The following WDR33 variants were observed in gnomAD, a reference collection of about 807,000 sequenced individuals.
WDR33 encodes pre-mRNA 3' end processing protein WDR33.
Under a neutral mutation model 164.9 loss-of-function variants are expected in WDR33, and 47 were observed. The ratio of observed to expected loss-of-function variants is 0.29; its 90% CI spans 0.23 to 0.36. The LOEUF (loss-of-function observed/expected upper bound fraction) is 0.36, where lower values mean the gene tolerates loss of function less well. Ranked by LOEUF, WDR33 falls within the 10% of genes least tolerant of loss-of-function variation. The pLI, the probability that WDR33 is intolerant of heterozygous loss-of-function variation, is 1.00. For missense variants in WDR33, 1,137 were observed against 1,754.1 expected, an observed-to-expected ratio of 0.65 and a Z score of 6.28; for synonymous variants, 505 against 589.0, an observed-to-expected ratio of 0.86 and a Z score of 2.06.
chr2:127,715,259 AT>A (rs998369368), intron 17 of WDR33, among the ~76,000 whole-genome samples: 1 of 151,088 alleles, frequency 6.6e-6, no homozygotes, highest in Non-Finnish European at 1.5e-5. Flanking sequence ...TAATTTTTGT[AT>A]TTTCAGTAGA....
chr2:127,772,780 C>T (rs967647831), intron 1 of WDR33, among the ~76,000 whole-genome samples: 5 of 152,064 alleles, frequency 3.3e-5, no homozygotes, highest in African/African-American at 1.2e-4. Flanking sequence ...TTTAAACTTA[C>T]ATGCCAATAA....
chr2:127,769,446 C>CA lies in WDR33; in HGVS notation c.205-446dup, dbSNP rs574386866. The stretch of plus-strand genomic sequence containing the variant: ...ATTCCATCTCAAAAAAACAAACAAA[C>CA]AAAAAAAAAACCTTCCCTCCTCATG... On this transcript the variant is annotated intron_variant, in intron 2 of 21. Coordinates refer to ENST00000322313, the MANE Select transcript of WDR33 (RefSeq NM_018383.5). Among the ~76,000 whole-genome samples the CA allele has an allele frequency of 4.8e-3, 719 of 148,352 alleles. 4 individuals carry two copies. Among genetic ancestry groups the CA allele is most frequent in the Admixed American group, 6.5e-3 (97 of 14,816 alleles).
rs1687000500 is a variant in WDR33 at position 127,741,061 on chromosome 2, G to T, written c.725-14284C>A. Among the ~76,000 whole-genome samples, 1 of 152,306 alleles carries T rather than the reference G, an allele frequency of 6.6e-6. No individual in the cohort carries two copies. The highest frequency in any genetic ancestry group is 1.9e-4 in the East Asian group (1 of 5,184). On this transcript the variant is annotated intron_variant, in intron 7 of 21. Coordinates refer to ENST00000322313, the MANE Select transcript of WDR33 (RefSeq NM_018383.5). The surrounding 1 kb of genome is among the most constrained non-coding windows in gnomAD (Gnocchi z 4.1). ...AAGGCTCAGTGACAAAGGCTGTGAT[G>T]AAGTAATGAGGGTAATTATAGGGAG... is the stretch of plus-strand genomic sequence containing the variant.
Position 127,764,612 on chromosome 2 carries a change from A to C in WDR33, c.626+216T>G. 1 of 1,553,466 alleles carries C rather than the reference A, an allele frequency of 6.4e-7. No homozygotes were observed. The highest frequency in any genetic ancestry group is 8.7e-7 in the Non-Finnish European group (1 of 1,147,636). On this transcript the variant is annotated intron_variant, in intron 6 of 21. Coordinates refer to ENST00000322313, the MANE Select transcript of WDR33 (RefSeq NM_018383.5). This position sits in a 1 kb window ranked among gnomAD's most constrained non-coding sequence, Gnocchi z 6.2. ...AAATGCGGCAGACAGTACATCTCTA[A>C]CATATTGCAAAGGCTGATACCGGGA...
chr2:127,785,457 C>T (rs1459112432), intron 1 of WDR33, among the ~76,000 whole-genome samples: 3 of 152,168 alleles, frequency 2.0e-5, no homozygotes, highest in African/African-American at 4.8e-5. Flanking sequence ...CCTAAAAATC[C>T]TCTGCTCTAT....
chr2:127,784,758 T>G (rs1478419934), intron 1 of WDR33, among the ~76,000 whole-genome samples: 1 of 152,192 alleles, frequency 6.6e-6, no homozygotes. Flanking sequence ...GAATGGAACT[T>G]TTACTCATGC....
Position 127,763,383 on chromosome 2 carries a change from G to C in WDR33, c.627-224C>G. Reference sequence around the variant, plus strand: ...TTGAGTTTTCAATCATCAGTATTCTGAGAACTTCAAGTGTGTATTATTAGT... The same window carrying C: ...TTGAGTTTTCAATCATCAGTATTCTCAGAACTTCAAGTGTGTATTATTAGT... On this transcript the variant is annotated intron_variant, in intron 6 of 21. Transcript: ENST00000322313. The surrounding 1 kb of genome is among the most constrained non-coding windows in gnomAD (Gnocchi z 4.5). The C allele has an allele frequency of 1.5e-6, 2 of 1,367,754 alleles. No homozygotes were observed. The highest frequency in any genetic ancestry group is 3.1e-5 in the Admixed American group (1 of 32,484). The allele number at this position is 1,367,754 out of a possible 1,614,324, so 84.7% of individuals were successfully genotyped here.
chr2:127,720,092 C>T lies in WDR33; in HGVS notation c.1933G>A (p.Gly645Arg). 6.2e-7 allele frequency: 1 copy of T among 1,614,184 alleles called. No individual in the cohort carries two copies. The highest frequency in any genetic ancestry group is 1.1e-5 in the South Asian group (1 of 91,086). Residue 645 changes from glycine to arginine, a missense_variant, in exon 16 of 22, where the codon GGA becomes AGA. This residue lies in a region of WDR33 where 867 missense variants were observed against 1,073.0 expected (regional missense o/e 0.81). Coordinates refer to ENST00000322313, the MANE Select transcript of WDR33 (RefSeq NM_018383.5). The surrounding 1 kb of genome is among the most constrained non-coding windows in gnomAD (Gnocchi z 5.9). ...MGPQGPPLHQGGGGPQGFMGP... is the reference protein window; with the variant it reads ...MGPQGPPLHQRGGGPQGFMGP... ...ATGAATCCTTGTGGCCCCCCACCTC[C>T]CTGATGCAGTGGAGGACCTTGTGGT...
chr2:127,801,839 G>A (rs758734809), intron 1 of WDR33, among the ~76,000 whole-genome samples: 3 of 151,766 alleles, frequency 2.0e-5, no homozygotes, highest in South Asian at 4.2e-4. Context: ...AGCCGAGATC[G>A]TGCCACTGCA....
intron 1 of WDR33, among the ~76,000 whole-genome samples, chr2:127,801,133 A>C (rs1194560678): frequency 6.6e-6 from 1 of 151,946 alleles, no homozygotes; most frequent in Non-Finnish European, 1.5e-5. Flanking sequence ...AGAAAAACAA[A>C]ATTAGCCAGG....
chr2:127,762,951 A>G (rs1480439060), intron 7 of WDR33, 111 bp downstream of exon 7: 1 of 1,541,866 alleles, frequency 6.5e-7, no homozygotes, highest in African/African-American at 1.4e-5. Context: ...CGGTGTGTAT[A>G]TGTAAAAAAA....
At chr2:127,791,757 G>A (rs1688851654) in intron 1 of WDR33, among the ~76,000 whole-genome samples, 1 of 152,116 alleles carries the variant, frequency 6.6e-6, no homozygotes, top group Non-Finnish European at 1.5e-5. Context: ...CTTCATCAGT[G>A]ACATTCTTAA....
Position 127,763,942 on chromosome 2 carries a change from C to T in WDR33, c.627-783G>A, listed in dbSNP as rs953814063. On this transcript the variant is annotated intron_variant, in intron 6 of 21. Coordinates refer to ENST00000322313, the MANE Select transcript of WDR33 (RefSeq NM_018383.5). The surrounding 1 kb of genome is among the most constrained non-coding windows in gnomAD (Gnocchi z 4.5). ...AAAATCTACAAAGCAGAAGCATGTTCATCCAACAATTTCTGTTAAGATTCT... is the reference window on the plus strand; with the variant it reads ...AAAATCTACAAAGCAGAAGCATGTTTATCCAACAATTTCTGTTAAGATTCT... 5.1e-6 allele frequency: 5 copies of T among 985,656 alleles called. No homozygotes were observed. The highest frequency in any genetic ancestry group is 6.0e-6 in the Non-Finnish European group (5 of 830,222). 61.1% of individuals were successfully genotyped at this position (985,656 alleles called of 1,614,324 possible). A position where few individuals can be genotyped will look rare whatever the true frequency, so the allele number is the denominator to read the frequency against.
chr2:127,708,860 G>A lies in WDR33; in HGVS notation c.3598C>T (p.Arg1200Cys), dbSNP rs781320755. 3.5e-5 allele frequency: 55 copies of A among 1,589,344 alleles called. No individual in the cohort carries two copies. Among genetic ancestry groups the A allele is most frequent in the Non-Finnish European group, 4.3e-5 (50 of 1,164,980 alleles). ...PGHEHFRDTP[R>C]PDHPPHDGHS... ...CCGTCGTGAGGGGGATGATCAGGGC[G>A]GGGAGTATCACGAAAATGTTCATGA... Residue 1200 changes from arginine to cysteine, a missense_variant, in exon 21 of 22, where the codon CGC becomes TGC. By Grantham distance (180) the Arg-to-Cys change is radical. This residue lies in a region of WDR33 where 867 missense variants were observed against 1,073.0 expected (regional missense o/e 0.81). Transcript: ENST00000322313. The surrounding 1 kb of genome is among the most constrained non-coding windows in gnomAD (Gnocchi z 6.7).
In WDR33 at chr2:127,763,859, T is replaced by A; in HGVS notation, c.627-700A>T. 1.0e-6 allele frequency: 1 copy of A among 985,614 alleles called. No individual in the cohort carries two copies. The highest frequency in any genetic ancestry group is 1.2e-6 in the Non-Finnish European group (1 of 830,072). 61.1% of individuals were successfully genotyped at this position (985,614 alleles called of 1,614,324 possible). Reference sequence around the variant, plus strand: ...CTAACTCTAAAAACTCCCTTGAACTTTGGAATCCTATGAAGGACCAGCTGT... The same window carrying A: ...CTAACTCTAAAAACTCCCTTGAACTATGGAATCCTATGAAGGACCAGCTGT... On this transcript the variant is annotated intron_variant, in intron 6 of 21. Transcript: ENST00000322313. The surrounding 1 kb of genome is among the most constrained non-coding windows in gnomAD (Gnocchi z 4.5).
intron 1 of WDR33, among the ~76,000 whole-genome samples, chr2:127,807,896 T>G (rs2104694202): frequency 6.6e-6 from 1 of 152,320 alleles, no homozygotes; most frequent in Non-Finnish European, 1.5e-5. Flanking sequence ...GCCTAGGAAT[T>G]AGAGGCTACA....
At position 127,706,694 on chromosome 2, in the gene WDR33, G is replaced by A; in HGVS notation, c.3782-142C>T. 4 of 742,712 alleles carry A rather than the reference G, an allele frequency of 5.4e-6. No homozygotes were observed. In the South Asian group the frequency reaches 5.9e-5, roughly 11 times the overall value. 46.0% of individuals were successfully genotyped at this position (742,712 alleles called of 1,614,324 possible). A position where few individuals can be genotyped will look rare whatever the true frequency, so the allele number is the denominator to read the frequency against. On this transcript the variant is annotated intron_variant, in intron 21 of 21. Coordinates refer to ENST00000322313, the MANE Select transcript of WDR33 (RefSeq NM_018383.5). The surrounding 1 kb of genome is among the most constrained non-coding windows in gnomAD (Gnocchi z 5.1). ...GACTGGCAGTGGTATTCAGCGTACTGAGAGGTGTGCCTCTACCCTTTCCTG... is the reference window on the plus strand; with the variant it reads ...GACTGGCAGTGGTATTCAGCGTACTAAGAGGTGTGCCTCTACCCTTTCCTG...
intron 7 of WDR33, among the ~76,000 whole-genome samples, chr2:127,750,092 T>C (rs10172438): frequency 0.021 from 3,245 of 152,194 alleles, 126 homozygotes; most frequent in African/African-American, 0.075. Context: ...GGCGAAATCT[T>C]GGCTCACTGC....
At chr2:127,765,857 C>T (rs1037042726) in intron 4 of WDR33, among the ~76,000 whole-genome samples, 15 of 151,240 alleles carry the variant, frequency 9.9e-5, no homozygotes, top group African/African-American at 3.4e-4. Flanking sequence ...AACTCTTACG[C>T]TGATCTACTC....
Sources: allele counts gnomAD v4.1 joint callset (sites outside exome capture counted in the v4.1 genomes callset), GRCh38; gene constraint gnomAD v4.1.1; regional missense constraint gnomAD v4.1.1; non-coding constraint Gnocchi (gnomAD v3.1); transcripts MANE v1.5; gene names NCBI Gene and HGNC (gene_info 2026-07-23, HGNC 2026-07-21).